The following SYN2 variants were observed in gnomAD, a reference collection of about 807,000 sequenced individuals.
The protein encoded by SYN2 is synapsin-2.
In SYN2, 19 loss-of-function variants were observed where a neutral mutation model predicts 50.9. The observed-to-expected ratio is 0.37, with a 90% CI of 0.26 to 0.55. The LOEUF is 0.55. Ranked by LOEUF, SYN2 falls within the 20% of genes least tolerant of loss-of-function variation. The pLI is 0.81. For missense variants in SYN2, 587 were observed against 576.4 expected (o/e 1.02, Z -0.19); for synonymous variants, 255 against 224.9 (o/e 1.13, Z -1.20).
intron 1 of SYN2, among the ~76,000 whole-genome samples, chr3:12,060,053 TC>T (rs980499291): frequency 6.6e-6 from 1 of 152,132 alleles, no homozygotes; most frequent in African/African-American, 2.4e-5. Context: ...GACAAGCCAA[TC>T]TAGGAAGTCT....
At chr3:12,161,011 G>C (rs777595358) in intron 5 of SYN2, among the ~76,000 whole-genome samples, 2 of 152,196 alleles carry the variant, frequency 1.3e-5, no homozygotes, top group Admixed American at 6.5e-5. Context: ...TTGTTTGGTG[G>C]TGAGATTGGG....
In SYN2 at chr3:12,187,497, C is replaced by T. The variant is rs763210261; in HGVS notation, c.1498C>T (p.Arg500Trp). Residue 500 changes from arginine (R) to tryptophan (W), a missense_variant, in exon 12 of 13, where the codon CGG becomes TGG. Physicochemically the swap from Arg to Trp is moderately radical, Grantham distance 101. Coordinates refer to ENST00000621198, the MANE Select transcript of SYN2 (RefSeq NM_133625.6). ...TTCTTCCTCCTCCTCGGCTCCTCAG[C>T]GGCCGGGCGGCCCCACCACCCACGG... Reference protein sequence around the residue: ...SSSSSSSAPQRPGGPTTHGDA... With the variant: ...SSSSSSSAPQWPGGPTTHGDA... 64 of 1,553,802 alleles carry T rather than the reference C, an allele frequency of 4.1e-5. No homozygotes were observed. The highest frequency in any genetic ancestry group is 1.7e-4 in the Middle Eastern group (1 of 6,022).
At chr3:12,019,306 A>G (rs1694081781) in intron 1 of SYN2, among the ~76,000 whole-genome samples, 1 of 152,174 alleles carries the variant, frequency 6.6e-6, no homozygotes, top group Non-Finnish European at 1.5e-5. Flanking sequence ...AGCCCTTAGT[A>G]TTCAGTAGAG....
chr3:12,011,530 T>C (rs1279368409), intron 1 of SYN2, among the ~76,000 whole-genome samples: 1 of 152,244 alleles, frequency 6.6e-6, no homozygotes, highest in Non-Finnish European at 1.5e-5. Flanking sequence ...TTGGTGTTTG[T>C]TGCTTGACAG....
chr3:12,099,967 A>AAAAAAAG (rs1553614899), intron 1 of SYN2, among the ~76,000 whole-genome samples: 1 of 93,110 alleles, frequency 1.1e-5, no homozygotes, highest in African/African-American at 5.9e-5. Context: ...TCTGTCTCAA[A>AAAAAAAG]AAAAAAAGAA....
intron 10 of SYN2, among the ~76,000 whole-genome samples, chr3:12,170,438 G>A (rs577612932): frequency 6.6e-6 from 1 of 152,284 alleles, no homozygotes; most frequent in East Asian, 1.9e-4. Context: ...GAGAGAAGTG[G>A]CCTTCTTCAG....
chr3:12,020,132 C>G (rs920847648), intron 1 of SYN2, among the ~76,000 whole-genome samples: 5 of 152,158 alleles, frequency 3.3e-5, no homozygotes, highest in African/African-American at 1.2e-4. Context: ...TGGTATATTT[C>G]AGACTGATTC....
chr3:12,190,447 G>A, intron 12 of SYN2, 43 bp from the exon 13 acceptor site: 1 of 1,610,512 alleles, frequency 6.2e-7, no homozygotes, highest in Non-Finnish European at 8.5e-7. Context: ...TGCCTTGCTG[G>A]GAACACCACC....
intron 1 of SYN2, chr3:12,070,453 G>T: frequency 1.7e-6 from 1 of 573,018 alleles, no homozygotes; most frequent in Non-Finnish European, 3.4e-6. Flanking sequence ...CCCATTGAGC[G>T]TGGCATCGTC....
chr3:12,096,743 G>A (rs568629509), intron 1 of SYN2, among the ~76,000 whole-genome samples: 1 of 152,090 alleles, frequency 6.6e-6, no homozygotes, highest in East Asian at 1.9e-4. Flanking sequence ...TATAGTAGAA[G>A]TTTTGCAGTT....
At chr3:12,052,044 G>A (rs1339442329) in intron 1 of SYN2, among the ~76,000 whole-genome samples, 1 of 152,000 alleles carries the variant, frequency 6.6e-6, no homozygotes, top group Non-Finnish European at 1.5e-5. Context: ...CAAATGTTTT[G>A]GTTTTAGAGC....
At chr3:12,181,440 A>G (rs1370917261) in intron 10 of SYN2, among the ~76,000 whole-genome samples, 1 of 152,236 alleles carries the variant, frequency 6.6e-6, no homozygotes, top group Non-Finnish European at 1.5e-5. Context: ...TGAACAGTAG[A>G]GGATCAGGCC....
chr3:12,069,331 C>T (rs1695291447), intron 1 of SYN2, among the ~76,000 whole-genome samples: 1 of 151,806 alleles, frequency 6.6e-6, no homozygotes, highest in Admixed American at 6.6e-5. Context: ...TCACTGCAAC[C>T]TCCGCCTCCC....
chr3:12,132,479 T>C (rs1320116245), intron 1 of SYN2, among the ~76,000 whole-genome samples: 1 of 152,254 alleles, frequency 6.6e-6, no homozygotes, highest in Non-Finnish European at 1.5e-5. Flanking sequence ...ATTTGGGTGA[T>C]CTGAGATGAG....
rs1035535129 is a variant in SYN2, at chr3:12,181,999, G to C, written c.1309-1313G>C. On this transcript the variant is annotated intron_variant, in intron 10 of 12. Coordinates refer to ENST00000621198, the MANE Select transcript of SYN2 (RefSeq NM_133625.6). ...GGGGTTGAGGGTTATGGTAGAATGG[G>C]CACTCTGATGTGGTGGCACTGAGGA... Among the ~76,000 whole-genome samples, 7 of 152,304 alleles carry C rather than the reference G, an allele frequency of 4.6e-5. No individual in the cohort carries two copies. In the South Asian group the frequency reaches 1.0e-3, roughly 23 times the overall value.
intron 5 of SYN2, chr3:12,157,517 G>T (rs371769294): frequency 2.5e-6 from 4 of 1,595,366 alleles, no homozygotes; most frequent in Admixed American, 1.7e-5. Flanking sequence ...ACCTTCAGCA[G>T]CTGGTGGGGG....
chr3:12,005,923 T>TG (rs34135901), intron 1 of SYN2, among the ~76,000 whole-genome samples: 29,318 of 151,462 alleles, frequency 0.19, 5,428 homozygotes, highest in African/African-American at 0.49. Flanking sequence ...AATTGATAGG[T>TG]GAAGGGCTTG....
chr3:12,170,083 A>G (rs1224777015), intron 10 of SYN2, among the ~76,000 whole-genome samples, 177 bp downstream of exon 10: 3 of 152,084 alleles, frequency 2.0e-5, no homozygotes, highest in East Asian at 1.9e-4. Flanking sequence ...ATTATCTTCT[A>G]CCACCCCTTA....
intron 1 of SYN2, among the ~76,000 whole-genome samples, chr3:12,081,299 T>TA (rs1695583591): frequency 6.6e-6 from 1 of 152,166 alleles, no homozygotes; most frequent in African/African-American, 2.4e-5. Context: ...GAAAATGAAA[T>TA]ACTTAATATT....
Sources: gnomAD v4.1 joint callset for allele counts (sites outside exome capture counted in the v4.1 genomes callset) on GRCh38, gnomAD v4.1.1 for gene constraint, MANE v1.5 for transcripts, NCBI Gene and HGNC (gene_info 2026-07-23, HGNC 2026-07-21) for gene names.